The following KCTD13 variants were observed in gnomAD, a reference collection of about 807,000 sequenced individuals.
The protein encoded by KCTD13 is BTB/POZ domain-containing adapter for CUL3-mediated RhoA degradation protein 1.
A neutral mutation model predicts 32.3 loss-of-function variants in KCTD13; 15 were observed. That is an observed-to-expected ratio of 0.46 (90% CI 0.31 to 0.71). The LOEUF (loss-of-function observed/expected upper bound fraction) is 0.71. KCTD13 is among the 30% of genes least tolerant of loss of function. The pLI is 0.05. For synonymous variants in KCTD13, 189 were observed against 200.1 expected (o/e 0.94, Z 0.47); for missense variants, 337 against 452.6 (o/e 0.74, Z 2.32).
chr16:29,921,299 G>A (rs755837071), intron 2 of KCTD13: 1 of 152,126 alleles, frequency 6.6e-6, no homozygotes, highest in Non-Finnish European at 1.5e-5. Flanking sequence ...TGAAGGGAAA[G>A]AAATAAAACT....
intron 2 of KCTD13, 192 bp downstream of exon 2, chr16:29,922,998 G>C: frequency 1.7e-6 from 1 of 597,126 alleles, no homozygotes; most frequent in Non-Finnish European, 2.9e-6. Context: ...CAAAGGTCCT[G>C]GCATGAGGCT....
At chr16:29,921,954 G>C (rs1377900139) in intron 2 of KCTD13, 1 of 152,172 alleles carries the variant, frequency 6.6e-6, no homozygotes, top group Non-Finnish European at 1.5e-5. Flanking sequence ...CTGGGCGACA[G>C]AGAGACTCTG....
chr16:29,907,549 G>A (rs2068635052), intron 5 of KCTD13, among the ~76,000 whole-genome samples: 2 of 152,184 alleles, frequency 1.3e-5, no homozygotes, highest in South Asian at 2.1e-4. Flanking sequence ...CACTTTGGGA[G>A]GCCAAGGTGG....
chr16:29,925,417 T>G (rs1443736893), intron 1 of KCTD13: 8 of 296,790 alleles, frequency 2.7e-5, no homozygotes. Context: ...CGGAAGAAAC[T>G]GAGGAAGGCT....
chr16:29,922,908 T>G (rs1165877176), intron 2 of KCTD13: 1 of 457,634 alleles, frequency 2.2e-6, no homozygotes, highest in East Asian at 3.2e-5. Context: ...TGCTGAAAGA[T>G]AATTACTCAG....
At chr16:29,910,557 C>A (rs528082214) in intron 5 of KCTD13, among the ~76,000 whole-genome samples, 3 of 152,074 alleles carry the variant, frequency 2.0e-5, no homozygotes, top group Non-Finnish European at 4.4e-5. Context: ...TCAGGTCCCA[C>A]GATGTTGCCC....
At chr16:29,907,908 CAGGAACATCGTTAG>C (rs894982603) in intron 5 of KCTD13, among the ~76,000 whole-genome samples, 5 of 151,206 alleles carry the variant, frequency 3.3e-5, no homozygotes, top group African/African-American at 1.2e-4. Flanking sequence ...GAGGCTAAGG[CAGGAACATCGTTAG>C]AGCCCAGGAG....
At chr16:29,907,570 T>A (rs1284020028) in intron 5 of KCTD13, among the ~76,000 whole-genome samples, 1 of 151,154 alleles carries the variant, frequency 6.6e-6, no homozygotes, top group Non-Finnish European at 1.5e-5. Context: ...GAGGACAGCT[T>A]GAGGCCAGGA....
chr16:29,915,150 T>C (rs11646118), intron 2 of KCTD13: 8,328 of 152,280 alleles, frequency 0.055, 309 homozygotes, highest in Non-Finnish European at 0.082. Context: ...ACCTCTTCCA[T>C]GAAAGATGTT....
intron 2 of KCTD13, chr16:29,912,315 G>A (rs1045523803): frequency 7.4e-6 from 4 of 543,498 alleles, no homozygotes; most frequent in Non-Finnish European, 1.3e-5. Context: ...TCTTTGCTCA[G>A]CTGTCAGCGT....
In KCTD13 at chr16:29,911,872, C is replaced by T. The variant is rs184536409; in HGVS notation, c.505-5G>A. 8.4e-5 allele frequency: 135 copies of T among 1,611,906 alleles called. No homozygotes were observed. The African/African-American group carries it at 1.4e-3, about 17-fold the overall frequency. On this transcript the variant is annotated splice_region_variant and splice_polypyrimidine_tract_variant and intron_variant, in intron 3 of 5. Transcript: ENST00000568000. The stretch of plus-strand genomic sequence containing the variant: ...GTGCAGGAGCTTCACCACGGGCTGG[C>T]GGGGGAGAGAGGATGGACGAGAGGG...
chr16:29,911,509 A>G (rs1248147306), intron 4 of KCTD13: 3 of 567,650 alleles, frequency 5.3e-6, no homozygotes, highest in South Asian at 4.5e-5. Flanking sequence ...CATCTGTAAA[A>G]TGGAGCTCAC....
chr16:29,913,345 G>A (rs2068750668), intron 2 of KCTD13: 1 of 152,096 alleles, frequency 6.6e-6, no homozygotes, highest in Non-Finnish European at 1.5e-5. Flanking sequence ...TTCGGGCACA[G>A]AAACAAAAAT....
rs932436653 is a variant in KCTD13, at chr16:29,912,185, G to A, written c.415-136C>T. Reference sequence around the variant, plus strand: ...CAGGGCTCTGCAGGCTCCAAGCTCCGCCAGCCTCTCTGCCACTCTCCCTTT... The same window carrying A: ...CAGGGCTCTGCAGGCTCCAAGCTCCACCAGCCTCTCTGCCACTCTCCCTTT... On this transcript the variant is annotated intron_variant, in intron 2 of 5. Coordinates refer to ENST00000568000, the MANE Select transcript of KCTD13 (RefSeq NM_178863.5). 3.4e-5 allele frequency: 23 copies of A among 671,060 alleles called. No individual in the cohort carries two copies. In the East Asian group the frequency reaches 4.5e-4, roughly 13 times the overall value. 41.6% of individuals were successfully genotyped at this position (671,060 alleles called of 1,614,324 possible).
chr16:29,924,860 G>A (rs1464857311), intron 1 of KCTD13, among the ~76,000 whole-genome samples: 1 of 151,934 alleles, frequency 6.6e-6, no homozygotes, highest in Admixed American at 6.6e-5. Flanking sequence ...CTGGGCTACA[G>A]GCGCACACCA....
rs781554897 is a variant in KCTD13, at chr16:29,925,954, C to A, written c.80G>T (p.Gly27Val). Reference sequence around the variant, plus strand: ...CGGCTTGAGACCGTAGGCGGCGGGGCCAGGCTCGAGACCCGAGGGCTTGGG... The same window carrying A: ...CGGCTTGAGACCGTAGGCGGCGGGGACAGGCTCGAGACCCGAGGGCTTGGG... Reference protein sequence around the residue: ...EAPKPSGLEPGPAAYGLKPLT... With the variant: ...EAPKPSGLEPVPAAYGLKPLT... The change falls in exon 1 of 6, where the codon GGC becomes GTC. Residue 27 changes from glycine (G) to valine (V), a missense_variant. Physicochemically the swap from Gly to Val is moderately radical, Grantham distance 109 (BLOSUM62 -3). This residue lies in a region of KCTD13 where 64 missense variants were observed against 59.6 expected (regional missense o/e 1.07). Transcript: ENST00000568000. The A allele has an allele frequency of 1.1e-5, 17 of 1,613,482 alleles. No individual in the cohort carries two copies. The highest frequency in any genetic ancestry group is 1.4e-5 in the Non-Finnish European group (16 of 1,179,814).
At chr16:29,908,798 G>T (rs1182209452) in intron 5 of KCTD13, among the ~76,000 whole-genome samples, 1 of 151,780 alleles carries the variant, frequency 6.6e-6, no homozygotes, top group Non-Finnish European at 1.5e-5. Context: ...AACCTCCCGG[G>T]CTCAAGTGAT....
At position 29,923,219 on chromosome 16, in the gene KCTD13, G is replaced by A. The variant is rs2068941905; in HGVS notation, c.385C>T (p.Leu129=). 6 of 1,614,222 alleles carry A rather than the reference G, an allele frequency of 3.7e-6. No homozygotes were observed. Among genetic ancestry groups the A allele is most frequent in the Non-Finnish European group, 5.1e-6 (6 of 1,180,036 alleles). ...GEARYYLVQG[L]IEDCQLALQQ... ...AGCGCCAGCTGGCAGTCCTCAATCA[G>A]GCCCTGCACCAGGTAGTAGCGTGCT... Residue 129 remains leucine, a synonymous_variant, in exon 2 of 6, where the codon CTG becomes TTG. Coordinates refer to ENST00000568000, the MANE Select transcript of KCTD13 (RefSeq NM_178863.5).
intron 1 of KCTD13, among the ~76,000 whole-genome samples, chr16:29,924,079 CAGG>C (rs1239697968): frequency 6.6e-6 from 1 of 150,814 alleles, no homozygotes; most frequent in Admixed American, 6.6e-5. Flanking sequence ...GAGGCTGAGG[CAGG>C]AGAATTGCTT....
Sources: gnomAD v4.1 joint callset for allele counts (sites outside exome capture counted in the v4.1 genomes callset) on GRCh38, gnomAD v4.1.1 for gene constraint, gnomAD v4.1.1 regional missense constraint, MANE v1.5 for transcripts, NCBI Gene and HGNC (gene_info 2026-07-23, HGNC 2026-07-21) for gene names.